Variants in TRPM1 observed in about 807,000 individuals in gnomAD.
The protein encoded by TRPM1 is TRPM1-203 APA Isoform, Intron 10.
Under a neutral mutation model 149.4 loss-of-function variants are expected in TRPM1, and 113 were observed. The ratio of observed to expected loss-of-function variants is 0.76; its 90% confidence interval spans 0.65 to 0.88. The LOEUF (loss-of-function observed/expected upper bound fraction) is 0.88. Among genes scored for constraint, TRPM1 ranks in the 40% least tolerant of loss-of-function variants. The pLI is 0.00. For missense variants in TRPM1, 1,976 were observed against 2,038.7 expected, an observed-to-expected ratio of 0.97 and a Z score of 0.59; for synonymous variants, 741 against 759.5, an observed-to-expected ratio of 0.98 and a Z score of 0.40.
chr15:31,057,178 A>G (rs1013802206), intron 11 of TRPM1, among the ~76,000 whole-genome samples: 1 of 152,214 alleles, frequency 6.6e-6, no homozygotes, highest in Non-Finnish European at 1.5e-5. Flanking sequence ...ATGGGACAGT[A>G]ACAATTAAGA....
At chr15:31,024,487 C>G (rs2032653909) in intron 27 of TRPM1, among the ~76,000 whole-genome samples, 1 of 152,146 alleles carries the variant, frequency 6.6e-6, no homozygotes, top group Non-Finnish European at 1.5e-5. Flanking sequence ...TCCCATCGCT[C>G]CTGGGATCTC....
Position 31,032,699 on chromosome 15 carries a change from A to G in TRPM1, c.2942T>C (p.Ile981Thr), listed in dbSNP as rs758351673. 3.7e-6 allele frequency: 6 copies of G among 1,614,074 alleles called. No individual in the cohort carries two copies. Among genetic ancestry groups the G allele is most frequent in the South Asian group, 1.1e-5 (1 of 91,074 alleles). The change falls in exon 22 of 28, where the codon ATT (isoleucine) becomes ACT (threonine). Residue 981 changes from isoleucine (I) to threonine (T), a missense_variant. Coordinates refer to ENST00000256552, the MANE Select transcript of TRPM1 (RefSeq NM_001252024.2). ...GATGCCACTACTAACCATCTTTCCAATCATCATCACGTATGGCCCCAGATA... is the reference window on the plus strand; with the variant it reads ...GATGCCACTACTAACCATCTTTCCAGTCATCATCACGTATGGCCCCAGATA... Reference protein sequence around the residue: ...NKYLGPYVMMIGKMMIDMLYF... With the variant: ...NKYLGPYVMMTGKMMIDMLYF...
intron 1 of TRPM1, among the ~76,000 whole-genome samples, chr15:31,131,970 T>C (rs1011140062): frequency 3.3e-5 from 5 of 152,188 alleles, no homozygotes; most frequent in African/African-American, 1.2e-4. Flanking sequence ...AAAGTGGTGC[T>C]CTTGGCTAGG....
chr15:31,015,438 A>C (rs2032326734), intron 27 of TRPM1, among the ~76,000 whole-genome samples: 1 of 151,850 alleles, frequency 6.6e-6, no homozygotes, highest in Non-Finnish European at 1.5e-5. Context: ...AAAGAAGAGA[A>C]AAAGAAAAAA....
chr15:31,151,365 T>G (rs1230070715), intron 1 of TRPM1, among the ~76,000 whole-genome samples: 1 of 152,128 alleles, frequency 6.6e-6, no homozygotes, highest in Non-Finnish European at 1.5e-5. Context: ...AGCGGCCAAG[T>G]GTTTTATACC....
chr15:31,066,143 C>G lies in TRPM1; in HGVS notation c.723G>C (p.Lys241Asn), dbSNP rs779861193. The G allele has an allele frequency of 6.8e-6, 11 of 1,614,088 alleles. No individual in the cohort carries two copies. Among genetic ancestry groups the G allele is most frequent in the South Asian group, 1.1e-5 (1 of 91,080 alleles). Reference protein sequence around the residue: ...FILADNGTLGKYGAEVKLRRL... With the variant: ...FILADNGTLGNYGAEVKLRRL... ...TTCGCAGCTTCACCTCGGCGCCATA[C>G]TTGCCCAGGGTGCCATTGTCAGCCA... The change falls in exon 7 of 28, where the codon AAG (lysine) becomes AAC (asparagine). Residue 241 changes from lysine (K) to asparagine (N), a missense_variant. Lys to Asn is a moderately conservative substitution (Grantham distance 94, BLOSUM62 0). Around this residue, in one of 3 missense-constraint regions of TRPM1, gnomAD observed 1,332 missense variants for 1,347.1 expected, o/e 0.99. Coordinates refer to ENST00000256552, the MANE Select transcript of TRPM1 (RefSeq NM_001252024.2).
Position 31,067,272 on chromosome 15 carries a change from G to C in TRPM1, c.494-85C>G, listed in dbSNP as rs761731951. ...TGAAATTTAGGGACACTTGCCCTGA[G>C]TCCCTACATTCCCTACAGATCAGGG... On this transcript the variant is annotated intron_variant, in intron 5 of 27. Transcript: ENST00000256552. 237 of 1,590,410 alleles carry C rather than the reference G, an allele frequency of 1.5e-4. 1 individual carries two copies. Among genetic ancestry groups the C allele is most frequent in the Non-Finnish European group, 2.0e-4 (233 of 1,159,018 alleles).
chr15:31,107,440 T>A (rs574095213), intron 1 of TRPM1, among the ~76,000 whole-genome samples: 1 of 152,252 alleles, frequency 6.6e-6, no homozygotes, highest in East Asian at 1.9e-4. Context: ...GCAATTTGAG[T>A]CTTCTCTGTT....
At chr15:31,069,863 G>C (rs765601131) in intron 4 of TRPM1, 168 bp downstream of exon 4, 16 of 1,576,924 alleles carry the variant, frequency 1.0e-5, no homozygotes, top group Non-Finnish European at 8.6e-7. Flanking sequence ...CAAGCCTCAT[G>C]GCTAAAAGCC....
intron 1 of TRPM1, among the ~76,000 whole-genome samples, chr15:31,096,697 G>T (rs2035393302): frequency 6.6e-6 from 1 of 152,222 alleles, no homozygotes; most frequent in African/African-American, 2.4e-5. Context: ...GTGCCTGCCT[G>T]GTTCCCACAG....
chr15:31,066,677 G>A (rs577597808), intron 6 of TRPM1, among the ~76,000 whole-genome samples: 82 of 152,196 alleles, frequency 5.4e-4, no homozygotes, highest in Admixed American at 1.2e-3. Flanking sequence ...GAACTATGTG[G>A]AGTGAAAAAA....
rs186011536 is a variant in TRPM1 at position 31,032,477 on chromosome 15, G to T, written c.2952+212C>A. Among the ~76,000 whole-genome samples, 1,148 of 152,010 alleles carry T rather than the reference G, an allele frequency of 7.6e-3. 17 individuals carry two copies. Among genetic ancestry groups the T allele is most frequent in the African/African-American group, 0.027 (1,108 of 41,340 alleles). On this transcript the variant is annotated intron_variant, in intron 22 of 27. Transcript: ENST00000256552. ...TATATATGTTATGTATATATACACA[G>T]TAGGCCCTCAACTCATGTTTTTCTA... is the stretch of plus-strand genomic sequence containing the variant.
At chr15:31,113,091 C>A (rs1345432009) in intron 1 of TRPM1, among the ~76,000 whole-genome samples, 1 of 152,258 alleles carries the variant, frequency 6.6e-6, no homozygotes, top group Non-Finnish European at 1.5e-5. Context: ...GAACCCCTGT[C>A]CAGGGCTGCT....
At chr15:31,035,849 G>T in intron 20 of TRPM1, 175 bp from the exon 21 acceptor site, 1 of 875,136 alleles carries the variant, frequency 1.1e-6, no homozygotes, top group Non-Finnish European at 1.8e-6. Flanking sequence ...AGACCTGGAG[G>T]CAGGACGGGA....
Position 31,040,090 on chromosome 15 carries a change from G to A in TRPM1, c.2316+28C>T. On this transcript the variant is annotated intron_variant, in intron 18 of 27. Transcript: ENST00000256552. This position sits in a 1 kb window ranked among gnomAD's most constrained non-coding sequence, Gnocchi z 4.2. ...GAGAGTCACTTGTCACTGTCACCCT[G>A]GCCCGCCTCGCAGCACGTTGCACGC... The A allele has an allele frequency of 1.9e-6, 3 of 1,602,578 alleles. No individual in the cohort carries two copies. Among genetic ancestry groups the A allele is most frequent in the Non-Finnish European group, 8.5e-7 (1 of 1,169,630 alleles).
At chr15:31,061,568 T>C (rs1261922820) in intron 9 of TRPM1, 54 bp from the exon 10 acceptor site, 5 of 1,488,220 alleles carry the variant, frequency 3.4e-6, no homozygotes, top group Admixed American at 1.7e-5. Context: ...GAAGGAGATA[T>C]GGGGTGTTGT....
intron 1 of TRPM1, among the ~76,000 whole-genome samples, chr15:31,142,541 G>A (rs1221225403): frequency 3.3e-5 from 5 of 152,126 alleles, no homozygotes; most frequent in Non-Finnish European, 5.9e-5. Context: ...CTCTATTAAA[G>A]AGTTGAGGTT....
At position 31,110,024 on chromosome 15, in the gene TRPM1, G is replaced by A. The variant is rs184408964; in HGVS notation, c.55-33040C>T. On this transcript the variant is annotated intron_variant, in intron 1 of 26. Coordinates refer to the TRPM1 transcript ENST00000542188. The stretch of plus-strand genomic sequence containing the variant: ...TGATCCAAAAACCTTCCTTTTCAAA[G>A]TCTTATTTGAAGTAAGGCTTATATT... Among the ~76,000 whole-genome samples the A allele has an allele frequency of 2.0e-3, 300 of 152,262 alleles. 4 individuals are homozygous for A. Among genetic ancestry groups the A allele is most frequent in the African/African-American group, 6.8e-3 (284 of 41,542 alleles).
At chr15:31,158,639 A>G (rs939152015) in intron 1 of TRPM1, among the ~76,000 whole-genome samples, 26 of 151,480 alleles carry the variant, frequency 1.7e-4, no homozygotes, top group African/African-American at 6.1e-4. Context: ...AAAAAAAAAA[A>G]AAAAAAAGAG....
Sources: allele counts gnomAD v4.1 joint callset (sites outside exome capture counted in the v4.1 genomes callset), GRCh38; gene constraint gnomAD v4.1.1; regional missense constraint gnomAD v4.1.1; non-coding constraint Gnocchi (gnomAD v3.1); transcripts MANE v1.5; gene names NCBI Gene and HGNC (gene_info 2026-07-23, HGNC 2026-07-21).